The following WASF3 variants were observed in gnomAD, a reference collection of about 807,000 sequenced individuals.
WASF3 encodes the protein WASP family member 3.
Under a neutral mutation model 46.6 loss-of-function variants are expected in WASF3, and 11 were observed. That is an observed-to-expected ratio of 0.24 (90% confidence interval 0.15 to 0.39). The LOEUF is 0.39. Ranked by LOEUF, WASF3 falls within the 10% of genes least tolerant of loss-of-function variation. WASF3 has a pLI of 1.00. For missense variants in WASF3, 576 were observed against 669.8 expected, an observed-to-expected ratio of 0.86 and a Z score of 1.55; for synonymous variants, 242 against 259.7, an observed-to-expected ratio of 0.93 and a Z score of 0.65.
intron 9 of WASF3, 74 bp from the exon 10 acceptor site, chr13:26,685,614 A>C: frequency 1.3e-6 from 2 of 1,569,334 alleles, no homozygotes; most frequent in Non-Finnish European, 8.7e-7. Flanking sequence ...AGTCCAATAG[A>C]CATATTTGTT....
At chr13:26,661,717 T>C (rs902330764) in intron 3 of WASF3, among the ~76,000 whole-genome samples, 3 of 152,230 alleles carry the variant, frequency 2.0e-5, no homozygotes, top group Non-Finnish European at 4.4e-5. Flanking sequence ...TTGTACATTC[T>C]CACCAACAGC....
intron 3 of WASF3, among the ~76,000 whole-genome samples, chr13:26,649,205 A>G (rs1882238287): frequency 1.3e-5 from 2 of 152,340 alleles, no homozygotes; most frequent in African/African-American, 2.4e-5. Flanking sequence ...TTATGGGAGT[A>G]AACATTCTCT....
chr13:26,659,768 G>T (rs1353395552), intron 3 of WASF3, among the ~76,000 whole-genome samples: 6 of 152,182 alleles, frequency 3.9e-5, no homozygotes, highest in Non-Finnish European at 4.4e-5. Flanking sequence ...GTGATTGAGA[G>T]ATGGCAAGGA....
intron 1 of WASF3, among the ~76,000 whole-genome samples, chr13:26,561,138 T>G (rs539488): frequency 0.84 from 127,286 of 152,084 alleles, 53,397 homozygotes; most frequent in East Asian, 0.9. Context: ...GGACTGTGCC[T>G]TGTGGGGTCT....
intron 1 of WASF3, among the ~76,000 whole-genome samples, chr13:26,590,215 C>G (rs1261909065): frequency 6.6e-6 from 1 of 151,546 alleles, no homozygotes; most frequent in African/African-American, 2.4e-5. Flanking sequence ...TATTCGTGAC[C>G]CTCTGCTGAG....
chr13:26,668,023 A>G (rs1019321366), intron 5 of WASF3, among the ~76,000 whole-genome samples: 12 of 152,196 alleles, frequency 7.9e-5, no homozygotes, highest in African/African-American at 1.2e-4. Flanking sequence ...TAGGAACTGC[A>G]TAATTCATTT....
intron 1 of WASF3, among the ~76,000 whole-genome samples, chr13:26,565,788 G>A (rs1311374294): frequency 6.6e-6 from 1 of 152,140 alleles, no homozygotes; most frequent in Non-Finnish European, 1.5e-5. Context: ...ATTTAGAATG[G>A]TTACAAAGTT....
At position 26,688,044 on chromosome 13, in the gene WASF3, C is replaced by T. The variant is rs367931314; in HGVS notation, c.*2199C>T. Reference sequence around the variant, plus strand: ...AGTTGTCTTCCTGTAGCTGAATCAACAAGTTATTTTCAACTCAATTTTATG... The same window carrying T: ...AGTTGTCTTCCTGTAGCTGAATCAATAAGTTATTTTCAACTCAATTTTATG... On this transcript the variant is annotated 3_prime_UTR_variant, in exon 10 of 10. Coordinates refer to ENST00000335327, the MANE Select transcript of WASF3 (RefSeq NM_006646.6). 3.3e-4 allele frequency: 51 copies of T among 152,272 alleles called. No individual in the cohort carries two copies. The highest frequency in any genetic ancestry group is 3.3e-4 in the Admixed American group (5 of 15,292). The allele number at this position is 152,272 out of a possible 1,614,324, so 9.4% of individuals were successfully genotyped here.
In WASF3 at chr13:26,580,740, C is replaced by T. The variant is rs1048327694; in HGVS notation, c.-109+22921C>T. On this transcript the variant is annotated intron_variant, in intron 1 of 9. Coordinates refer to ENST00000335327, the MANE Select transcript of WASF3 (RefSeq NM_006646.6). The stretch of plus-strand genomic sequence containing the variant: ...TCCCGGGTTCAAGCGATTCTTCTGC[C>T]TCAGCCTCCCGAGTAGCTGGGATTA... Among the ~76,000 whole-genome samples, 7 of 151,590 alleles carry T rather than the reference C, an allele frequency of 4.6e-5. No homozygotes were observed. In the South Asian group the frequency reaches 8.3e-4, roughly 18 times the overall value.
At chr13:26,620,400 G>T (rs80125696) in intron 2 of WASF3, among the ~76,000 whole-genome samples, 2 of 151,584 alleles carry the variant, frequency 1.3e-5, no homozygotes, top group Non-Finnish European at 2.9e-5. Flanking sequence ...TAAAATATGG[G>T]TATATTTTAA....
At chr13:26,583,136 A>G (rs1272963262) in intron 1 of WASF3, among the ~76,000 whole-genome samples, 1 of 152,198 alleles carries the variant, frequency 6.6e-6, no homozygotes, top group Non-Finnish European at 1.5e-5. Context: ...ATCACTTTTG[A>G]TAAGAGTACA....
At chr13:26,556,985 T>C (rs1364714206), upstream of WASF3, among the ~76,000 whole-genome samples, 1 of 152,198 alleles carries the variant, frequency 6.6e-6, no homozygotes, top group East Asian at 1.9e-4. Flanking sequence ...TCCTCCTTTC[T>C]TTTTCTTAAG....
At chr13:26,562,085 A>G (rs1306070605) in intron 1 of WASF3, among the ~76,000 whole-genome samples, 1 of 152,216 alleles carries the variant, frequency 6.6e-6, no homozygotes, top group Non-Finnish European at 1.5e-5. Flanking sequence ...CTGAGACTCC[A>G]AGGGTGCGGT....
chr13:26,685,496 C>A (rs2137528014), intron 9 of WASF3, among the ~76,000 whole-genome samples, 192 bp from the exon 10 acceptor site: 2 of 152,226 alleles, frequency 1.3e-5, no homozygotes, highest in East Asian at 3.8e-4. Context: ...TACAAAAAAA[C>A]TTCTCACTTT....
intron 1 of WASF3, among the ~76,000 whole-genome samples, chr13:26,559,667 C>T (rs1314971480): frequency 2.0e-5 from 3 of 152,104 alleles, no homozygotes; most frequent in South Asian, 2.1e-4. Flanking sequence ...TCCCTACTCA[C>T]GGGCTAGTAC....
chr13:26,610,984 C>T (rs926145891), intron 1 of WASF3, among the ~76,000 whole-genome samples: 1 of 150,908 alleles, frequency 6.6e-6, no homozygotes, highest in East Asian at 1.9e-4. Context: ...AGGCATGTGT[C>T]CGTGCCCAAA....
At chr13:26,587,887 T>C (rs1202448726) in intron 1 of WASF3, among the ~76,000 whole-genome samples, 4 of 152,166 alleles carry the variant, frequency 2.6e-5, no homozygotes, top group Non-Finnish European at 4.4e-5. Flanking sequence ...GACCAAAAGT[T>C]TTTTTTGTCT....
At chr13:26,680,049 G>A (rs1190636697) in intron 7 of WASF3, 1 of 1,597,012 alleles carries the variant, frequency 6.3e-7, no homozygotes, top group Admixed American at 1.7e-5. Flanking sequence ...AGAAACACAA[G>A]CTGAACCCTA....
intron 3 of WASF3, among the ~76,000 whole-genome samples, chr13:26,660,064 A>G (rs1472685436): frequency 6.6e-6 from 1 of 152,144 alleles, no homozygotes; most frequent in East Asian, 1.9e-4. Context: ...TGTTGATGGA[A>G]AAGAGAAGAG....
Sources: allele counts gnomAD v4.1 joint callset (sites outside exome capture counted in the v4.1 genomes callset), GRCh38; gene constraint gnomAD v4.1.1; transcripts MANE v1.5; gene names NCBI Gene and HGNC (gene_info 2026-07-23, HGNC 2026-07-21).